Variants in HADH observed in about 807,000 individuals in gnomAD.
The protein encoded by HADH is hydroxyacyl-coenzyme A dehydrogenase, mitochondrial.
In HADH, 24 loss-of-function variants were observed where a neutral mutation model predicts 32.2. That is an observed-to-expected ratio of 0.75 (90% CI 0.54 to 1.05). The LOEUF is 1.05. Ranked by LOEUF, HADH falls within the 50% of genes least tolerant of loss-of-function variation. HADH has a pLI of 0.00. For missense variants in HADH, 350 were observed against 397.1 expected (o/e 0.88, Z 1.01); for synonymous variants, 139 against 152.5 (o/e 0.91, Z 0.65).
intron 2 of HADH, among the ~76,000 whole-genome samples, chr4:108,013,222 C>G (rs558883719): frequency 6.6e-6 from 1 of 152,216 alleles, no homozygotes; most frequent in African/African-American, 2.4e-5. Context: ...TGAGCCACTG[C>G]GCCCGGACCA....
chr4:108,033,298 A>G lies in HADH; in HGVS notation c.826+6A>G, dbSNP rs1578268489. ...TACGAAGTTCATCGTGGATGGTAGG[A>G]ATTGGAATTTTTTGTTGTCTTTAAT... On this transcript the variant is annotated splice_donor_region_variant and intron_variant, in intron 7 of 7. Coordinates refer to ENST00000309522, the MANE Select transcript of HADH (RefSeq NM_005327.7). 7 of 1,391,610 alleles carry G rather than the reference A, an allele frequency of 5.0e-6. No homozygotes were observed. Among genetic ancestry groups the G allele is most frequent in the Non-Finnish European group, 7.2e-6 (7 of 976,970 alleles). 86.2% of individuals were successfully genotyped at this position (1,391,610 alleles called of 1,614,324 possible). A position where few individuals can be genotyped will look rare whatever the true frequency, so the allele number is the denominator to read the frequency against.
rs755408234 is a variant in HADH, at chr4:108,009,740, T to C, written c.133-19T>C. The C allele has an allele frequency of 1.2e-6, 2 of 1,612,288 alleles. No homozygotes were observed. On this transcript the variant is annotated intron_variant, in intron 1 of 7. Coordinates refer to ENST00000309522, the MANE Select transcript of HADH (RefSeq NM_005327.7). Reference sequence around the variant, plus strand: ...TGTTTTCTTTCTTTTAAAAAGAAATTGTTCTTTTGTTGCTCTAGGTTGCTG... The same window carrying C: ...TGTTTTCTTTCTTTTAAAAAGAAATCGTTCTTTTGTTGCTCTAGGTTGCTG...
At chr4:108,027,788 GC>G in intron 6 of HADH, 28 bp downstream of exon 6, 10 of 1,315,494 alleles carry the variant, frequency 7.6e-6, no homozygotes, top group Non-Finnish European at 9.9e-6. Flanking sequence ...GCCAGGAGCA[GC>G]AGACCTCAGC....
At chr4:108,014,612 C>G in intron 3 of HADH, 24 bp downstream of exon 3, 1 of 1,270,316 alleles carries the variant, frequency 7.9e-7, no homozygotes, top group Non-Finnish European at 1.1e-6. Flanking sequence ...GGACAATCTT[C>G]TTTTTTTTTT....
chr4:108,013,245 A>G (rs879781099), intron 2 of HADH, among the ~76,000 whole-genome samples: 8 of 152,100 alleles, frequency 5.3e-5, no homozygotes, highest in Non-Finnish European at 1.0e-4. Flanking sequence ...TGTCCCTTAT[A>G]TTCTTAATTG....
intron 1 of HADH, among the ~76,000 whole-genome samples, chr4:107,998,058 A>G (rs1735008334): frequency 6.6e-6 from 1 of 152,218 alleles, no homozygotes; most frequent in Non-Finnish European, 1.5e-5. Flanking sequence ...TTATTCAGTC[A>G]ACATTCCCTG....
Position 108,033,422 on chromosome 4 carries a change from A to T in HADH, c.826+130A>T, listed in dbSNP as rs138681604. The T allele has an allele frequency of 2.8e-3, 1,968 of 713,378 alleles. 12 individuals carry two copies. Among genetic ancestry groups the T allele is most frequent in the Middle Eastern group, 6.5e-3 (18 of 2,760 alleles). The allele number at this position is 713,378 out of a possible 1,614,324, so 44.2% of individuals were successfully genotyped here. On this transcript the variant is annotated intron_variant, in intron 7 of 7. Coordinates refer to ENST00000309522, the MANE Select transcript of HADH (RefSeq NM_005327.7). ...TCCAAAATCCTGCCTCACCAGGTTG[A>T]GAATTCATGAACAGATGTCAGGAGA...
chr4:108,006,893 T>C (rs181103786), intron 1 of HADH, among the ~76,000 whole-genome samples: 4 of 152,304 alleles, frequency 2.6e-5, no homozygotes, highest in African/African-American at 9.6e-5. Flanking sequence ...TAGTTTCACT[T>C]ACTAGCCCTG....
At chr4:108,003,344 A>C (rs576635354) in intron 1 of HADH, among the ~76,000 whole-genome samples, 1 of 152,000 alleles carries the variant, frequency 6.6e-6, no homozygotes, top group South Asian at 2.1e-4. Context: ...TTTTATAAAA[A>C]CCTTTAATCC....
chr4:107,992,825 T>G (rs1163538661), intron 1 of HADH, among the ~76,000 whole-genome samples: 1 of 152,152 alleles, frequency 6.6e-6, no homozygotes, highest in Admixed American at 6.5e-5. Context: ...TTTATAATAA[T>G]TATCTTCGGC....
At chr4:107,996,088 T>G (rs7674097) in intron 1 of HADH, among the ~76,000 whole-genome samples, 19,932 of 152,174 alleles carry the variant, frequency 0.13, 2,147 homozygotes, top group African/African-American at 0.3. Flanking sequence ...AATCAGTGTC[T>G]CCATACCAGA....
intron 4 of HADH, among the ~76,000 whole-genome samples, chr4:108,021,959 G>A (rs1196596883): frequency 6.6e-6 from 1 of 152,052 alleles, no homozygotes; most frequent in Non-Finnish European, 1.5e-5. Context: ...ACTCTTCTTT[G>A]TTTATATAGC....
At chr4:107,998,503 C>T (rs1405607720) in intron 1 of HADH, among the ~76,000 whole-genome samples, 1 of 152,158 alleles carries the variant, frequency 6.6e-6, no homozygotes, top group Non-Finnish European at 1.5e-5. Context: ...TGGTCTCTAA[C>T]TCCCGACCTC....
intron 3 of HADH, 46 bp downstream of exon 3, chr4:108,014,634 A>C: frequency 6.6e-7 from 1 of 1,505,528 alleles, no homozygotes; most frequent in Non-Finnish European, 9.1e-7. Flanking sequence ...TTTTAACCTT[A>C]TTTTTGTTTT....
At chr4:108,028,824 C>T (rs945373869) in intron 6 of HADH, 4 of 397,828 alleles carry the variant, frequency 1.0e-5, no homozygotes, top group Non-Finnish European at 1.8e-5. Flanking sequence ...TGGTGTTTTC[C>T]TCACTGTCCA....
At chr4:108,016,034 C>T (rs1356509586) in intron 3 of HADH, among the ~76,000 whole-genome samples, 1 of 152,092 alleles carries the variant, frequency 6.6e-6, no homozygotes, top group African/African-American at 2.4e-5. Flanking sequence ...CTGTTTTGAG[C>T]TTCATCTGGG....
intron 4 of HADH, among the ~76,000 whole-genome samples, chr4:108,020,485 A>T (rs1735846329): frequency 1.3e-5 from 2 of 152,100 alleles, no homozygotes; most frequent in South Asian, 4.1e-4. Flanking sequence ...AAAAAACCCT[A>T]AAAGTAAAAA....
intron 6 of HADH, chr4:108,032,641 A>T: frequency 2.5e-6 from 1 of 395,522 alleles, no homozygotes; most frequent in African/African-American, 2.0e-5. Context: ...TTCTGTCTCC[A>T]TGAACAGGGT....
chr4:108,028,679 C>G (rs1408816305), intron 6 of HADH: 1 of 393,218 alleles, frequency 2.5e-6, no homozygotes, highest in Non-Finnish European at 4.5e-6. Flanking sequence ...TATCTATCAA[C>G]AAATATGCCT....
Sources: allele counts gnomAD v4.1 joint callset (sites outside exome capture counted in the v4.1 genomes callset), GRCh38; gene constraint gnomAD v4.1.1; transcripts MANE v1.5; gene names NCBI Gene and HGNC (gene_info 2026-07-23, HGNC 2026-07-21).